Variants in SHPK observed in about 807,000 individuals in gnomAD.
SHPK encodes sedoheptulokinase.
Under a neutral mutation model 46.3 loss-of-function variants are expected in SHPK, and 51 were observed. That is an observed-to-expected ratio of 1.10 (90% confidence interval 0.88 to 1.39). The LOEUF (loss-of-function observed/expected upper bound fraction) is 1.39. Among genes scored for constraint, SHPK ranks in the 40% most tolerant of loss-of-function variants. The probability of loss-of-function intolerance (pLI) is 0.00; values close to 1 mark genes in which losing one functional copy is unlikely to be tolerated. For synonymous variants in SHPK, 290 were observed against 273.9 expected (o/e 1.06, Z -0.58); for missense variants, 668 against 641.3 (o/e 1.04, Z -0.45).
At chr17:3,631,484 C>CA (rs2075471359) in intron 1 of SHPK, among the ~76,000 whole-genome samples, 1 of 104,796 alleles carries the variant, frequency 9.5e-6, no homozygotes, top group African/African-American at 3.6e-5. Context: ...TTTAGTATGA[C>CA]AAAAAATATA....
chr17:3,627,302 C>T (rs1005373924), intron 2 of SHPK, among the ~76,000 whole-genome samples: 16 of 152,194 alleles, frequency 1.1e-4, no homozygotes, highest in South Asian at 1.0e-3. Context: ...TGGAAACAGG[C>T]GTAACCACAG....
In SHPK at chr17:3,610,102, C is replaced by A. The variant is rs146797327; in HGVS notation, c.*458G>T. ...ACAAGAACTTTTCCAGAAGTCCATA[C>A]GACCCGAGTGTGGGCTTCAGGTCTC... On this transcript the variant is annotated 3_prime_UTR_variant, in exon 7 of 7. Transcript: ENST00000225519. 1 of 159,652 alleles carries A rather than the reference C, an allele frequency of 6.3e-6. No individual in the cohort carries two copies. The highest frequency in any genetic ancestry group is 2.4e-5 in the African/African-American group (1 of 41,620). The allele number at this position is 159,652 out of a possible 1,614,324, so 9.9% of individuals were successfully genotyped here.
intron 1 of SHPK, among the ~76,000 whole-genome samples, chr17:3,631,512 CTTTTT>C (rs371958939): frequency 1.3e-4 from 7 of 53,048 alleles, no homozygotes; most frequent in Non-Finnish European, 1.9e-4. Flanking sequence ...TAATTTAATG[CTTTTT>C]TTTTTTTTTT....
chr17:3,631,604 C>A (rs1230259214), intron 1 of SHPK, among the ~76,000 whole-genome samples: 1 of 136,156 alleles, frequency 7.3e-6, no homozygotes, highest in African/African-American at 2.8e-5. Context: ...CTCACTGCAA[C>A]CTCTGCCTCC....
intron 2 of SHPK, among the ~76,000 whole-genome samples, chr17:3,625,474 G>T (rs2075428434): frequency 6.6e-6 from 1 of 152,184 alleles, no homozygotes; most frequent in Non-Finnish European, 1.5e-5. Context: ...CCGCCATGCT[G>T]AGGAGACCAC....
intron 2 of SHPK, among the ~76,000 whole-genome samples, chr17:3,628,567 C>T (rs1018173533): frequency 6.6e-6 from 1 of 152,100 alleles, no homozygotes; most frequent in Non-Finnish European, 1.5e-5. Context: ...GTGATCTGCC[C>T]GCCTCAGCCT....
chr17:3,614,862 A>AAAG (rs1555553781), intron 6 of SHPK, among the ~76,000 whole-genome samples: 1 of 146,228 alleles, frequency 6.8e-6, no homozygotes, highest in African/African-American at 2.5e-5. Flanking sequence ...AAAAAAAAAA[A>AAAG]GAAGAAGAAG....
rs367636800 is a variant in SHPK at position 3,614,700 on chromosome 17, T to C, written c.1024+637A>G. Among the ~76,000 whole-genome samples the C allele has an allele frequency of 4.0e-5, 6 of 150,720 alleles. No individual in the cohort carries two copies. In the East Asian group the frequency reaches 7.8e-4, roughly 20 times the overall value. ...CCATCTCTAGTAAAAAGACAAAAAT[T>C]TGCCAGGCGTGGTGGCGCATGCCTG... is the stretch of plus-strand genomic sequence containing the variant. On this transcript the variant is annotated intron_variant, in intron 6 of 6. Coordinates refer to ENST00000225519, the MANE Select transcript of SHPK (RefSeq NM_013276.4).
chr17:3,619,360 C>T lies in SHPK; in HGVS notation c.823+1877G>A, dbSNP rs141041050. The stretch of plus-strand genomic sequence containing the variant: ...AGAGTTATCTGGACCTTGTTTTATA[C>T]ATTGAACCATTCCGGGTGATGATTC... On this transcript the variant is annotated intron_variant, in intron 5 of 6. Transcript: ENST00000225519. 1.2e-4 allele frequency: 174 copies of T among 1,461,882 alleles called. 1 individual carries two copies. In the African/African-American group the frequency reaches 2.0e-3, roughly 17 times the overall value. 90.6% of individuals were successfully genotyped at this position (1,461,882 alleles called of 1,614,324 possible). A position where few individuals can be genotyped will look rare whatever the true frequency, so the allele number is the denominator to read the frequency against.
intron 2 of SHPK, among the ~76,000 whole-genome samples, chr17:3,625,018 T>C (rs1040162732): frequency 3.9e-5 from 6 of 152,166 alleles, no homozygotes; most frequent in Non-Finnish European, 7.4e-5. Context: ...TTTTTTTCAT[T>C]TGTGCCTTGT....
At position 3,610,800 on chromosome 17, in the gene SHPK, G is replaced by C. The variant is rs748227340; in HGVS notation, c.1197C>G (p.Thr399=). The C allele has an allele frequency of 6.2e-7, 1 of 1,614,176 alleles. No individual in the cohort carries two copies. The highest frequency in any genetic ancestry group is 8.5e-7 in the Non-Finnish European group (1 of 1,180,026). ...GAACAATGCCTCGGCACAGAGCCCG[G>C]GTCACGTGCCCCAGGGAGAGGTCGG... ...SSSDLSLGHV[T]RALCRGIVQN... is the part of the protein sequence containing the mutation. The change falls in exon 7 of 7, where the codon ACC becomes ACG. Residue 399 remains threonine (T), a synonymous_variant. Transcript: ENST00000225519.
At chr17:3,619,358 T>C (rs2075386361) in intron 5 of SHPK, 2 of 1,448,164 alleles carry the variant, frequency 1.4e-6, no homozygotes, top group Admixed American at 1.7e-5. Flanking sequence ...CCTTGTTTTA[T>C]ACATTGAACC....
At chr17:3,625,918 T>G (rs957997086) in intron 2 of SHPK, among the ~76,000 whole-genome samples, 4 of 152,118 alleles carry the variant, frequency 2.6e-5, no homozygotes, top group Non-Finnish European at 4.4e-5. Context: ...CCAGGTGTGG[T>G]AGCGGGTGCC....
chr17:3,631,062 G>A (rs771580104), intron 1 of SHPK, among the ~76,000 whole-genome samples: 3 of 151,930 alleles, frequency 2.0e-5, no homozygotes, highest in African/African-American at 4.8e-5. Context: ...AAAACCTCTC[G>A]CTTGCCCCTG....
chr17:3,630,414 G>A (rs2075463851), intron 1 of SHPK, 68 bp from the exon 2 acceptor site: 33 of 1,461,154 alleles, frequency 2.3e-5, no homozygotes, highest in Non-Finnish European at 2.4e-5. Flanking sequence ...CAGGCCTCCC[G>A]GGATGTCCTG....
intron 1 of SHPK, among the ~76,000 whole-genome samples, chr17:3,634,445 A>G (rs1178179094): frequency 6.6e-6 from 1 of 151,714 alleles, no homozygotes; most frequent in African/African-American, 2.4e-5. Flanking sequence ...GGTGGCGCAC[A>G]CCTGTAATCC....
chr17:3,632,363 A>G (rs1376380515), intron 1 of SHPK, among the ~76,000 whole-genome samples: 1 of 152,194 alleles, frequency 6.6e-6, no homozygotes, highest in Non-Finnish European at 1.5e-5. Context: ...GCAGGAGATC[A>G]CTTGATCCCA....
Position 3,624,190 on chromosome 17 carries a change from G to A in SHPK, c.352C>T (p.Pro118Ser), listed in dbSNP as rs2150871990. 2.5e-6 allele frequency: 4 copies of A among 1,614,012 alleles called. No individual in the cohort carries two copies. The highest frequency in any genetic ancestry group is 1.3e-5 in the African/African-American group (1 of 75,058). ...GTGACCAGGTGGCTAACAGCTCGGG[G>A]CTCGAACACCGGGGTAATCCCTCCC... ...TEGGITPVFE[P>S]RAVSHLVTWQ... Residue 118 changes from proline to serine, a missense_variant, in exon 3 of 7, where the codon CCC (proline) becomes TCC (serine). Coordinates refer to ENST00000225519, the MANE Select transcript of SHPK (RefSeq NM_013276.4).
At chr17:3,621,484 T>C in intron 4 of SHPK, 72 bp from the exon 5 acceptor site, 1 of 1,390,726 alleles carries the variant, frequency 7.2e-7, no homozygotes, top group Non-Finnish European at 1.0e-6. Context: ...CCTTCCTTCC[T>C]TCCTCCCTTC....
Sources: allele counts gnomAD v4.1 joint callset (sites outside exome capture counted in the v4.1 genomes callset), GRCh38; gene constraint gnomAD v4.1.1; transcripts MANE v1.5; gene names NCBI Gene and HGNC (gene_info 2026-07-23, HGNC 2026-07-21).